ATAD2B: variants seen among roughly 807,000 people sequenced by gnomAD.
ATAD2B encodes ATPase family AAA domain-containing protein 2B.
A neutral mutation model predicts 167.6 loss-of-function variants in ATAD2B; 40 were observed. That is an observed-to-expected ratio of 0.24 (90% CI 0.19 to 0.31). ATAD2B has a LOEUF of 0.31. Among genes scored for constraint, ATAD2B ranks in the 10% least tolerant of loss-of-function variants. ATAD2B has a pLI of 1.00. For missense variants in ATAD2B, 1,242 were observed against 1,757.2 expected (o/e 0.71, Z 5.24); for synonymous variants, 579 against 596.5 (o/e 0.97, Z 0.43).
the ATAD2B span, chr2:23,689,508 A>G: frequency 6.6e-6 from 1 of 152,500 alleles, no homozygotes; most frequent in Admixed American, 6.5e-5. Flanking sequence ...GGGTCAGTGC[A>G]TATGTGTGCG....
chr2:23,752,656 A>T (rs530023879), intron 27 of ATAD2B, among the ~76,000 whole-genome samples: 10 of 152,066 alleles, frequency 6.6e-5, no homozygotes, highest in Non-Finnish European at 1.3e-4. Flanking sequence ...GAATACAGGC[A>T]GCCTCACTCC....
chr2:23,910,079 G>A (rs1213714532), intron 1 of ATAD2B, among the ~76,000 whole-genome samples: 2 of 151,364 alleles, frequency 1.3e-5, no homozygotes, highest in Non-Finnish European at 2.9e-5. Context: ...TCCCAGACTG[G>A]TATCAAACTC....
chr2:23,876,182 C>T (rs2150152792), intron 7 of ATAD2B, among the ~76,000 whole-genome samples: 1 of 151,832 alleles, frequency 6.6e-6, no homozygotes, highest in Middle Eastern at 3.4e-3. Context: ...TTAGTAGAGA[C>T]AGGGTTTCAC....
At chr2:23,905,438 C>A (rs1018678730) in intron 1 of ATAD2B, among the ~76,000 whole-genome samples, 1 of 152,126 alleles carries the variant, frequency 6.6e-6, no homozygotes. Flanking sequence ...GTAGGTGGAT[C>A]GCTTGAGCCA....
chr2:23,840,139 G>A (rs1266264799), intron 13 of ATAD2B, among the ~76,000 whole-genome samples: 1 of 151,966 alleles, frequency 6.6e-6, no homozygotes, highest in African/African-American at 2.4e-5. Flanking sequence ...CATGTTGATG[G>A]CCACCTGGAT....
At chr2:23,711,655 G>A in the ATAD2B span, among the ~76,000 whole-genome samples, 1 of 152,098 alleles carries the variant, frequency 6.6e-6, no homozygotes, top group African/African-American at 2.4e-5. Flanking sequence ...ACAGGAGTGA[G>A]CCACTGCGCC....
chr2:23,732,378 G>A, the ATAD2B span, among the ~76,000 whole-genome samples: 3 of 152,178 alleles, frequency 2.0e-5, no homozygotes, highest in South Asian at 6.2e-4. Flanking sequence ...AAAACTATAC[G>A]AAAAGCAAAA....
intron 10 of ATAD2B, 33 bp downstream of exon 10, chr2:23,867,797 AAAAAG>A (rs1695365375): frequency 6.7e-7 from 1 of 1,484,690 alleles, no homozygotes; most frequent in African/African-American, 1.4e-5. Flanking sequence ...AACTTTTAAA[AAAAAG>A]AAAACTTCTA....
chr2:23,748,650 G>C (rs2149284157), downstream of ATAD2B: 1 of 152,218 alleles, frequency 6.6e-6, no homozygotes, highest in Middle Eastern at 3.4e-3. Context: ...TCATAATTAA[G>C]CTAAAGAAAG....
At chr2:23,681,584 CTG>C in the ATAD2B span, among the ~76,000 whole-genome samples, 1 of 152,204 alleles carries the variant, frequency 6.6e-6, no homozygotes, top group East Asian at 1.9e-4. The surrounding 1 kb of genome is among the most constrained non-coding windows in gnomAD (Gnocchi z 4.2). Flanking sequence ...GGGGCCACAT[CTG>C]TCACTCTCTG....
chr2:23,808,479 T>C (rs1214447880), intron 18 of ATAD2B, among the ~76,000 whole-genome samples: 1 of 151,972 alleles, frequency 6.6e-6, no homozygotes, highest in Admixed American at 6.6e-5. Flanking sequence ...ATATTGTTTC[T>C]GCTAATTCCT....
At chr2:23,868,272 T>A (rs902916928) in intron 9 of ATAD2B, among the ~76,000 whole-genome samples, 10 of 152,222 alleles carry the variant, frequency 6.6e-5, no homozygotes, top group Admixed American at 2.6e-4. Context: ...CTATATGTAT[T>A]ATAATATATG....
the ATAD2B span, among the ~76,000 whole-genome samples, chr2:23,716,303 G>C: frequency 6.6e-6 from 1 of 152,136 alleles, no homozygotes; most frequent in Non-Finnish European, 1.5e-5. Context: ...TCTTCTTTGT[G>C]GCTCTTAAAC....
At chr2:23,915,567 C>T (rs1482354247) in intron 1 of ATAD2B, among the ~76,000 whole-genome samples, 1 of 148,388 alleles carries the variant, frequency 6.7e-6, no homozygotes, top group African/African-American at 2.5e-5. Context: ...GTGTAAACAA[C>T]CATGTCTGAC....
chr2:23,728,731 GT>G, the ATAD2B span, among the ~76,000 whole-genome samples: 1 of 152,072 alleles, frequency 6.6e-6, no homozygotes, highest in Non-Finnish European at 1.5e-5. Context: ...GGTGATATGG[GT>G]TAATTCTTAT....
chr2:23,839,942 T>C (rs1690616577), intron 13 of ATAD2B, among the ~76,000 whole-genome samples: 1 of 152,174 alleles, frequency 6.6e-6, no homozygotes, highest in African/African-American at 2.4e-5. Flanking sequence ...TCACTACAGA[T>C]TACTTTGCAT....
Position 23,829,801 on chromosome 2 carries a change from T to C in ATAD2B, c.1729-862A>G, listed in dbSNP as rs896733785. Among the ~76,000 whole-genome samples the C allele has an allele frequency of 2.0e-5, 3 of 152,178 alleles. No homozygotes were observed. In the East Asian group the frequency reaches 5.8e-4, roughly 29 times the overall value. ...AGCATATTATTACTTTGTCAGTTAG[T>C]TGATGCTTTGGCATTTAATACAAGG... On this transcript the variant is annotated intron_variant, in intron 14 of 27. Transcript: ENST00000238789.
intron 19 of ATAD2B, among the ~76,000 whole-genome samples, chr2:23,791,090 A>T (rs1681621972): frequency 6.6e-6 from 1 of 152,032 alleles, no homozygotes; most frequent in South Asian, 2.1e-4. Flanking sequence ...GTCACTTAAA[A>T]CTTCAGGTTT....
chr2:23,767,929 G>C (rs931525746), intron 22 of ATAD2B, among the ~76,000 whole-genome samples: 1 of 151,562 alleles, frequency 6.6e-6, no homozygotes, highest in African/African-American at 2.4e-5. Flanking sequence ...ACAGAATAGA[G>C]AGGAAAGGAG....
Sources: allele counts gnomAD v4.1 joint callset (sites outside exome capture counted in the v4.1 genomes callset), GRCh38; gene constraint gnomAD v4.1.1; non-coding constraint Gnocchi (gnomAD v3.1); transcripts MANE v1.5; gene names NCBI Gene and HGNC (gene_info 2026-07-23, HGNC 2026-07-21).